PCDH15: variants seen among roughly 807,000 people sequenced by gnomAD.
The protein encoded by PCDH15 is protocadherin related 15, also known as protocadherin-15.
In PCDH15, 129 loss-of-function variants were observed where a neutral mutation model predicts 178.5. That is an observed-to-expected ratio of 0.72 (90% confidence interval 0.63 to 0.84). The LOEUF (loss-of-function observed/expected upper bound fraction) is 0.84. Among genes scored for constraint, PCDH15 ranks in the 40% least tolerant of loss-of-function variants. PCDH15 has a pLI of 0.00. For synonymous variants in PCDH15, 800 were observed against 732.0 expected, an observed-to-expected ratio of 1.09 and a Z score of -1.50; for missense variants, 2,230 against 2,099.9, an observed-to-expected ratio of 1.06 and a Z score of -1.21.
At chr10:53,877,945 C>G (rs1454082654) in intron 26 of PCDH15, among the ~76,000 whole-genome samples, 1 of 152,166 alleles carries the variant, frequency 6.6e-6, no homozygotes, top group South Asian at 2.1e-4. Context: ...ATAGCTCCCA[C>G]TTGCCAGAGA....
chr10:54,918,608 A>C (rs1018881648), intron 2 of PCDH15, among the ~76,000 whole-genome samples: 2 of 152,130 alleles, frequency 1.3e-5, no homozygotes, highest in Non-Finnish European at 2.9e-5. Flanking sequence ...TAATATGGTA[A>C]TTGCACTAAC....
At chr10:54,016,694 C>T (rs750588769) in intron 20 of PCDH15, among the ~76,000 whole-genome samples, 3 of 152,116 alleles carry the variant, frequency 2.0e-5, no homozygotes, top group Non-Finnish European at 4.4e-5. Context: ...TACATAGGGA[C>T]ACAAAGATGG....
intron 2 of PCDH15, among the ~76,000 whole-genome samples, chr10:55,067,496 T>C (rs1326642008): frequency 1.3e-5 from 2 of 152,110 alleles, no homozygotes; most frequent in African/African-American, 2.4e-5. Flanking sequence ...GACACTTAGG[T>C]TGATTCCATA....
At chr10:53,824,146 A>T (rs1306528926) in intron 32 of PCDH15, among the ~76,000 whole-genome samples, 1 of 10,616 alleles carries the variant, frequency 9.4e-5, no homozygotes, top group Non-Finnish European at 1.6e-4. Flanking sequence ...ATTGATGCTA[A>T]AAAAAAAAAT....
chr10:54,022,118 C>CTTT (rs112927953), intron 19 of PCDH15, among the ~76,000 whole-genome samples: 7 of 145,088 alleles, frequency 4.8e-5, no homozygotes, highest in African/African-American at 1.5e-4. Flanking sequence ...AAAATGGCTA[C>CTTT]TTTTTTTTTT....
chr10:54,306,363 C>T (rs752874587), intron 8 of PCDH15, among the ~76,000 whole-genome samples: 3 of 151,590 alleles, frequency 2.0e-5, no homozygotes, highest in Admixed American at 1.3e-4. Flanking sequence ...AGAGAGAGAG[C>T]GAGAGAAAGA....
intron 2 of PCDH15, among the ~76,000 whole-genome samples, chr10:54,901,862 G>C (rs1954644148): frequency 6.6e-6 from 1 of 152,080 alleles, no homozygotes; most frequent in Admixed American, 6.5e-5. Context: ...ATGTATTTGG[G>C]AGATAACCTA....
chr10:54,510,061 T>C (rs1352036115), intron 3 of PCDH15, among the ~76,000 whole-genome samples: 1 of 152,194 alleles, frequency 6.6e-6, no homozygotes, highest in Non-Finnish European at 1.5e-5. Context: ...TTGGCATAAA[T>C]ATACTTTGAA....
At chr10:54,167,157 C>T (rs988493559) in intron 13 of PCDH15, among the ~76,000 whole-genome samples, 2 of 152,174 alleles carry the variant, frequency 1.3e-5, no homozygotes, top group Non-Finnish European at 2.9e-5. Context: ...ATCGGGGGAC[C>T]TCCCTTGGGA....
intron 8 of PCDH15, among the ~76,000 whole-genome samples, chr10:54,284,913 C>G (rs924490774): frequency 6.6e-6 from 1 of 152,158 alleles, no homozygotes; most frequent in Non-Finnish European, 1.5e-5. Flanking sequence ...GCATTTTAGT[C>G]TAGTCCAAAA....
chr10:54,043,116 G>C (rs2135533136), intron 18 of PCDH15, among the ~76,000 whole-genome samples: 1 of 152,236 alleles, frequency 6.6e-6, no homozygotes, highest in South Asian at 2.1e-4. Context: ...GGGGAATGGG[G>C]AGCCTGGTTT....
At position 55,306,331 on chromosome 10, in the gene PCDH15, T is replaced by C. The variant is rs184546748; in HGVS notation, c.-156+13268A>G. Among the ~76,000 whole-genome samples, 17 of 152,382 alleles carry C rather than the reference T, an allele frequency of 1.1e-4. No homozygotes were observed. The East Asian group carries it at 3.3e-3, about 29-fold the overall frequency. ...AAGTTTTATACCAACTGAAATGTTT[T>C]ACACTTGGGCTTTGCGATGAAATGT... On this transcript the variant is annotated intron_variant, in intron 1 of 5. Coordinates refer to the PCDH15 transcript ENST00000458638.
chr10:55,248,340 A>G (rs16907165), intron 1 of PCDH15, among the ~76,000 whole-genome samples: 14,019 of 152,082 alleles, frequency 0.092, 658 homozygotes, highest in African/African-American at 0.1. Context: ...TGTAAAGACA[A>G]ATTTTCAGGT....
intron 1 of PCDH15, among the ~76,000 whole-genome samples, chr10:55,180,941 A>ATT (rs1839632532): frequency 7.0e-6 from 1 of 142,658 alleles, no homozygotes; most frequent in Non-Finnish European, 1.6e-5. Flanking sequence ...AAACTCAGAG[A>ATT]AAAAAAACAT....
intron 21 of PCDH15, among the ~76,000 whole-genome samples, chr10:53,971,560 T>C (rs2089688477): frequency 6.6e-6 from 1 of 152,132 alleles, no homozygotes; most frequent in African/African-American, 2.4e-5. Context: ...GCCCAAAACC[T>C]CCTTAAGCTG....
chr10:55,094,344 G>T (rs1842394279), intron 2 of PCDH15, among the ~76,000 whole-genome samples: 1 of 151,720 alleles, frequency 6.6e-6, no homozygotes, highest in African/African-American at 2.4e-5. Context: ...TGAACACTGA[G>T]AACACTTGGA....
intron 2 of PCDH15, among the ~76,000 whole-genome samples, chr10:55,119,073 C>G (rs940251739): frequency 2.0e-5 from 3 of 152,184 alleles, no homozygotes; most frequent in Admixed American, 2.0e-4. Flanking sequence ...CCATCACATC[C>G]TTTGCTTCAC....
At chr10:55,337,012 G>T (rs762389557) in intron 2 of PCDH15, among the ~76,000 whole-genome samples, 2 of 152,042 alleles carry the variant, frequency 1.3e-5, no homozygotes, top group Non-Finnish European at 2.9e-5. Flanking sequence ...TCCCTCAATT[G>T]TAACAGCTAA....
chr10:53,909,407 T>C (rs1160872647), intron 25 of PCDH15, among the ~76,000 whole-genome samples: 1 of 152,174 alleles, frequency 6.6e-6, no homozygotes, highest in Admixed American at 6.5e-5. Flanking sequence ...TTAAATTAAA[T>C]TGTAATTGCT....
Sources: allele counts gnomAD v4.1 joint callset (sites outside exome capture counted in the v4.1 genomes callset), GRCh38; gene constraint gnomAD v4.1.1; transcripts MANE v1.5; gene names NCBI Gene and HGNC (gene_info 2026-07-23, HGNC 2026-07-21).